NRG4: variants seen among roughly 807,000 people sequenced by gnomAD.
The protein encoded by NRG4 is pro-neuregulin-4, membrane-bound isoform.
In NRG4, 10 loss-of-function variants were observed where a neutral mutation model predicts 15.0. The observed-to-expected ratio is 0.67, with a 90% CI of 0.41 to 1.13. The LOEUF (loss-of-function observed/expected upper bound fraction) is 1.13. Ranked by LOEUF, NRG4 falls within the 50% of genes most tolerant of loss-of-function variation. The pLI is 0.00. For missense variants in NRG4, 139 were observed against 140.2 expected, an observed-to-expected ratio of 0.99 and a Z score of 0.04; for synonymous variants, 41 against 50.1, an observed-to-expected ratio of 0.82 and a Z score of 0.77.
intron 3 of NRG4, among the ~76,000 whole-genome samples, chr15:76,001,985 CAAA>C (rs1199046462): frequency 6.6e-6 from 1 of 152,064 alleles, no homozygotes; most frequent in African/African-American, 2.4e-5. Flanking sequence ...GTGGAGAAAA[CAAA>C]GACTTAGCCA....
Position 75,976,707 on chromosome 15 carries a change from A to G in NRG4, c.105-14733T>C, listed in dbSNP as rs918372577. Among the ~76,000 whole-genome samples, 8 of 152,192 alleles carry G rather than the reference A, an allele frequency of 5.3e-5. No individual in the cohort carries two copies. In the East Asian group the frequency reaches 1.6e-3, roughly 30 times the overall value. On this transcript the variant is annotated intron_variant, in intron 3 of 5. Coordinates refer to ENST00000394907, the MANE Select transcript of NRG4 (RefSeq NM_138573.4). ...GCCTGTTCCTTCCTCCGGAAGCTTCATCCTAGAGGGGTACCCGCCAGATGC... is the reference window on the plus strand; with the variant it reads ...GCCTGTTCCTTCCTCCGGAAGCTTCGTCCTAGAGGGGTACCCGCCAGATGC...
chr15:76,018,174 A>G (rs889095257), intron 5 of NRG4, among the ~76,000 whole-genome samples: 33 of 152,262 alleles, frequency 2.2e-4, no homozygotes, highest in African/African-American at 7.2e-4. Context: ...TTTCAGCTCA[A>G]TCAGGTCACT....
chr15:75,984,762 T>G (rs895738587), intron 3 of NRG4, among the ~76,000 whole-genome samples: 1 of 152,156 alleles, frequency 6.6e-6, no homozygotes, highest in African/African-American at 2.4e-5. Context: ...GTTCTGTACA[T>G]GTATCCCAGA....
intron 5 of NRG4, among the ~76,000 whole-genome samples, chr15:75,948,194 C>T (rs1426600237): frequency 6.6e-6 from 1 of 152,114 alleles, no homozygotes; most frequent in African/African-American, 2.4e-5. Context: ...CTTTGGCTGC[C>T]TGTGCTTTTG....
chr15:75,975,991 A>G (rs367956579), intron 3 of NRG4, among the ~76,000 whole-genome samples: 3 of 152,306 alleles, frequency 2.0e-5, no homozygotes, highest in Non-Finnish European at 2.9e-5. Context: ...AGATACACCA[A>G]TCAAACATAG....
At chr15:75,975,871 G>A (rs1329919825) in intron 3 of NRG4, among the ~76,000 whole-genome samples, 3 of 151,946 alleles carry the variant, frequency 2.0e-5, no homozygotes, top group East Asian at 1.9e-4. Flanking sequence ...TGGTATTCTC[G>A]GTATTTCCTG....
intron 3 of NRG4, among the ~76,000 whole-genome samples, chr15:75,976,839 T>A (rs1292914622): frequency 2.6e-5 from 4 of 152,228 alleles, no homozygotes; most frequent in African/African-American, 9.6e-5. Flanking sequence ...AGTCTGTCCC[T>A]TAGCAGAGCT....
At chr15:75,990,218 T>G (rs79005495) in intron 3 of NRG4, among the ~76,000 whole-genome samples, 2,272 of 152,274 alleles carry the variant, frequency 0.015, 65 homozygotes, top group African/African-American at 0.052. Flanking sequence ...GGGATCTCTG[T>G]GCAGATTTCT....
intron 5 of NRG4, among the ~76,000 whole-genome samples, chr15:76,033,352 T>A (rs1799436970): frequency 6.6e-6 from 1 of 152,206 alleles, no homozygotes; most frequent in African/African-American, 2.4e-5. Context: ...GGCCAGGAGT[T>A]CAAGATCAGC....
chr15:76,050,601 T>A (rs2035978131), intron 4 of NRG4, among the ~76,000 whole-genome samples: 1 of 142,796 alleles, frequency 7.0e-6, no homozygotes, highest in East Asian at 2.0e-4. Context: ...CGGCTAATTT[T>A]TTTTTTTTTT....
chr15:76,059,359 G>A (rs2036238031), intron 1 of NRG4, among the ~76,000 whole-genome samples: 1 of 152,182 alleles, frequency 6.6e-6, no homozygotes, highest in African/African-American at 2.4e-5. Flanking sequence ...GCCTCCAAGC[G>A]CAGCGGGCAC....
chr15:76,033,359 C>T (rs933583096), intron 5 of NRG4, among the ~76,000 whole-genome samples: 1 of 152,146 alleles, frequency 6.6e-6, no homozygotes, highest in Non-Finnish European at 1.5e-5. Context: ...AGTTCAAGAT[C>T]AGCCTGGGAA....
intron 5 of NRG4, among the ~76,000 whole-genome samples, chr15:75,946,639 G>A (rs1272465239): frequency 2.0e-5 from 3 of 152,156 alleles, no homozygotes; most frequent in Non-Finnish European, 4.4e-5. Flanking sequence ...GATTATAGGC[G>A]TGAGCCACCG....
intron 5 of NRG4, among the ~76,000 whole-genome samples, chr15:76,027,966 G>C (rs1255600495): frequency 2.0e-5 from 3 of 152,112 alleles, no homozygotes; most frequent in Admixed American, 6.6e-5. Context: ...AAAGTCCCAT[G>C]AGACAAATGT....
chr15:76,051,096 G>C (rs62027651), intron 4 of NRG4, among the ~76,000 whole-genome samples: 20 of 146,710 alleles, frequency 1.4e-4, no homozygotes, highest in East Asian at 9.9e-4. Context: ...AGCTCCGCCT[G>C]CCGGGTTCAC....
At chr15:75,988,774 A>C (rs1459838597) in intron 3 of NRG4, among the ~76,000 whole-genome samples, 1 of 152,024 alleles carries the variant, frequency 6.6e-6, no homozygotes, top group Non-Finnish European at 1.5e-5. Flanking sequence ...ATGGGACCAC[A>C]AACACCCTGA....
intron 3 of NRG4, among the ~76,000 whole-genome samples, chr15:75,994,157 T>C (rs1356072686): frequency 1.3e-5 from 2 of 152,228 alleles, no homozygotes; most frequent in African/African-American, 4.8e-5. Flanking sequence ...ATTAGGATAA[T>C]TTGGCTTAAC....
rs1413663660 is a variant in NRG4, at chr15:75,948,757, G to T, written c.332-5103C>A. On this transcript the variant is annotated intron_variant, in intron 5 of 5. Coordinates refer to ENST00000394907, the MANE Select transcript of NRG4 (RefSeq NM_138573.4). ...AACTTAAAAAATTTACTTTTTTAAA[G>T]TATGTAATTCAGCTGAGCACAGTGG... 1.3e-5 allele frequency among the ~76,000 whole-genome samples: 2 copies of T among 150,790 alleles called. 1 individual carries two copies. The highest frequency in any genetic ancestry group is 1.3e-4 in the Admixed American group (2 of 15,100).
At chr15:76,019,232 G>A (rs1024611339) in intron 5 of NRG4, among the ~76,000 whole-genome samples, 1 of 152,120 alleles carries the variant, frequency 6.6e-6, no homozygotes, top group African/African-American at 2.4e-5. Flanking sequence ...TGCTGGCAGC[G>A]AGAATTTCAA....
Sources: gnomAD v4.1 joint callset for allele counts (sites outside exome capture counted in the v4.1 genomes callset) on GRCh38, gnomAD v4.1.1 for gene constraint, MANE v1.5 for transcripts, NCBI Gene and HGNC (gene_info 2026-07-23, HGNC 2026-07-21) for gene names.